Variants in PHACTR3 observed in about 807,000 individuals in gnomAD.
The protein encoded by PHACTR3 is protein phosphatase 1, regulatory subunit 123.
In PHACTR3, 16 loss-of-function variants were observed where a neutral mutation model predicts 66.8. The ratio of observed to expected loss-of-function variants is 0.24; its 90% CI spans 0.16 to 0.36. The LOEUF is 0.36. Among genes scored for constraint, PHACTR3 ranks in the 10% least tolerant of loss-of-function variants. The pLI, the probability that PHACTR3 is intolerant of heterozygous loss-of-function variation, is 1.00. For missense variants in PHACTR3, 647 were observed against 719.9 expected, an observed-to-expected ratio of 0.90 and a Z score of 1.16; for synonymous variants, 323 against 292.1, an observed-to-expected ratio of 1.11 and a Z score of -1.08.
rs137935993 is a variant in PHACTR3 at position 59,613,288 on chromosome 20, G to A, written c.118+8156G>A. ...CAGACAGCATGATGGCGTCCCTGTCGTAGGGTGGGACGTTCAGTGAATTTC... is the reference window on the plus strand; with the variant it reads ...CAGACAGCATGATGGCGTCCCTGTCATAGGGTGGGACGTTCAGTGAATTTC... On this transcript the variant is annotated intron_variant, in intron 1 of 12. Transcript: ENST00000371015. Among the ~76,000 whole-genome samples the A allele has an allele frequency of 4.5e-4, 69 of 152,324 alleles. No individual in the cohort carries two copies. The East Asian group carries it at 0.012, about 26-fold the overall frequency.
In PHACTR3 at chr20:59,735,491, C is replaced by T. The variant is rs79382568; in HGVS notation, c.119-7616C>T. On this transcript the variant is annotated intron_variant, in intron 1 of 12. Coordinates refer to ENST00000371015, the MANE Select transcript of PHACTR3 (RefSeq NM_080672.5). Reference sequence around the variant, plus strand: ...CCCCCAGAGATATGGGGCTTTCCTTCCAATATGTTTTTGGGGAATTTCGTG... The same window carrying T: ...CCCCCAGAGATATGGGGCTTTCCTTTCAATATGTTTTTGGGGAATTTCGTG... Among the ~76,000 whole-genome samples, 144 of 152,184 alleles carry T rather than the reference C, an allele frequency of 9.5e-4. 2 individuals carry two copies. In the East Asian group the frequency reaches 0.025, roughly 27 times the overall value.
At chr20:59,628,649 C>T (rs964980870) in intron 1 of PHACTR3, 1 of 985,292 alleles carries the variant, frequency 1.0e-6, no homozygotes, top group African/African-American at 1.7e-5. Context: ...AGGATCAGTT[C>T]ATTCTCCTGA....
chr20:59,681,414 T>C (rs2036643974), intron 1 of PHACTR3, among the ~76,000 whole-genome samples: 1 of 152,214 alleles, frequency 6.6e-6, no homozygotes, highest in Non-Finnish European at 1.5e-5. Context: ...TAAAACATTT[T>C]GATGACTGTG....
intron 8 of PHACTR3, among the ~76,000 whole-genome samples, chr20:59,827,225 T>C (rs1296613134): frequency 6.6e-6 from 1 of 151,984 alleles, no homozygotes; most frequent in African/African-American, 2.4e-5. Flanking sequence ...CAGCTGGCCT[T>C]CATGGGCGGG....
In PHACTR3 at chr20:59,841,546, G is replaced by T. The variant is rs2059060579; in HGVS notation, c.1587+11G>T. 1 of 1,609,498 alleles carries T rather than the reference G, an allele frequency of 6.2e-7. No homozygotes were observed. Among genetic ancestry groups the T allele is most frequent in the Middle Eastern group, 1.7e-4 (1 of 6,028 alleles). ...TCAGCAGCAGATAAGGTACCTAACT[G>T]CCTGTGCTGGTGGGGGGTGTTGGAT... On this transcript the variant is annotated intron_variant, in intron 11 of 12. Transcript: ENST00000371015.
intron 8 of PHACTR3, among the ~76,000 whole-genome samples, chr20:59,812,944 G>A (rs1051552922): frequency 6.6e-6 from 1 of 152,206 alleles, no homozygotes; most frequent in Non-Finnish European, 1.5e-5. Flanking sequence ...TGGCCAGGCT[G>A]TGGGCTCCAG....
At chr20:59,815,344 G>T (rs16983192) in intron 8 of PHACTR3, among the ~76,000 whole-genome samples, 15,843 of 151,644 alleles carry the variant, frequency 0.1, 1,022 homozygotes, top group East Asian at 0.26. Context: ...TGATCAAAAT[G>T]CCAACAGCTG....
intron 1 of PHACTR3, among the ~76,000 whole-genome samples, chr20:59,686,956 A>T (rs1298821184): frequency 6.9e-6 from 1 of 144,580 alleles, no homozygotes; most frequent in Non-Finnish European, 1.5e-5. Context: ...GGTGATTGTG[A>T]TGATGATGGT....
At chr20:59,625,450 A>T (rs191587045) in intron 1 of PHACTR3, among the ~76,000 whole-genome samples, 2 of 152,148 alleles carry the variant, frequency 1.3e-5, no homozygotes, top group African/African-American at 2.4e-5. Flanking sequence ...AAACTGGAAG[A>T]TCCCACTTAA....
intron 1 of PHACTR3, among the ~76,000 whole-genome samples, chr20:59,691,023 A>G (rs2037089586): frequency 6.6e-6 from 1 of 152,182 alleles, no homozygotes; most frequent in African/African-American, 2.4e-5. Context: ...ATTCTAGAAG[A>G]AATGAAAGAA....
chr20:59,777,945 C>T (rs1341746849), intron 7 of PHACTR3, among the ~76,000 whole-genome samples: 1 of 152,154 alleles, frequency 6.6e-6, no homozygotes, highest in East Asian at 1.9e-4. Flanking sequence ...GCATAGCTTA[C>T]ATCTCCAGAT....
chr20:59,733,465 T>G (rs1264578697), intron 1 of PHACTR3, among the ~76,000 whole-genome samples: 2 of 152,196 alleles, frequency 1.3e-5, no homozygotes, highest in Non-Finnish European at 2.9e-5. Flanking sequence ...CAGTGCTCAG[T>G]GCTTCCGTGT....
intron 1 of PHACTR3, among the ~76,000 whole-genome samples, chr20:59,688,831 G>C (rs1048626489): frequency 2.0e-5 from 3 of 152,136 alleles, no homozygotes; most frequent in Non-Finnish European, 4.4e-5. Context: ...TCCATTGTTA[G>C]AGTTATTTTA....
At chr20:59,819,824 C>T (rs780773284) in intron 8 of PHACTR3, among the ~76,000 whole-genome samples, 1 of 151,990 alleles carries the variant, frequency 6.6e-6, no homozygotes, top group Non-Finnish European at 1.5e-5. Flanking sequence ...TACTGGCCAC[C>T]CATCAACTGA....
chr20:59,688,842 AT>A (rs1349758569), intron 1 of PHACTR3, among the ~76,000 whole-genome samples: 3 of 152,166 alleles, frequency 2.0e-5, no homozygotes, highest in African/African-American at 7.2e-5. Flanking sequence ...AGTTATTTTA[AT>A]GTGATCAGGA....
intron 1 of PHACTR3, among the ~76,000 whole-genome samples, chr20:59,742,740 G>T (rs962611252): frequency 1.3e-5 from 2 of 152,222 alleles, no homozygotes; most frequent in African/African-American, 4.8e-5. Flanking sequence ...AGTTTATGAG[G>T]CAGAGAAGCG....
chr20:59,838,392 C>G lies in PHACTR3; in HGVS notation c.1384+1832C>G, dbSNP rs1446721713. Among the ~76,000 whole-genome samples the G allele has an allele frequency of 2.0e-5, 3 of 152,142 alleles. No individual in the cohort carries two copies. The East Asian group carries it at 5.8e-4, about 29-fold the overall frequency. ...CTTTTGTATTTGCTTCAAGGGGGAA[C>G]TCATGACTAACTGCAGTCATATCTG... is the stretch of plus-strand genomic sequence containing the variant. On this transcript the variant is annotated intron_variant, in intron 9 of 12. Coordinates refer to ENST00000371015, the MANE Select transcript of PHACTR3 (RefSeq NM_080672.5).
At chr20:59,705,163 C>T (rs974370673) in intron 1 of PHACTR3, among the ~76,000 whole-genome samples, 1 of 151,996 alleles carries the variant, frequency 6.6e-6, no homozygotes, top group Non-Finnish European at 1.5e-5. Flanking sequence ...TGCCATGTTG[C>T]CCAGGCTGGT....
In PHACTR3 at chr20:59,736,888, G is replaced by A. The variant is rs2038964134; in HGVS notation, c.119-6219G>A. Among the ~76,000 whole-genome samples the A allele has an allele frequency of 6.6e-6, 1 of 152,190 alleles. No homozygotes were observed. The highest frequency in any genetic ancestry group is 1.5e-5 in the Non-Finnish European group (1 of 68,026). ...GAGGGAATTTCCTCCCAAGGGGGAT[G>A]CAGAGCAGCACAGCCTGGGGCCCCT... On this transcript the variant is annotated intron_variant, in intron 1 of 12. Coordinates refer to ENST00000371015, the MANE Select transcript of PHACTR3 (RefSeq NM_080672.5). The surrounding 1 kb of genome is among the most constrained non-coding windows in gnomAD (Gnocchi z 4.6).
Sources: gnomAD v4.1 joint callset for allele counts (sites outside exome capture counted in the v4.1 genomes callset) on GRCh38, gnomAD v4.1.1 for gene constraint, Gnocchi (gnomAD v3.1) non-coding constraint, MANE v1.5 for transcripts, NCBI Gene and HGNC (gene_info 2026-07-23, HGNC 2026-07-21) for gene names.